Variants in SVEP1 observed in about 807,000 individuals in gnomAD.
SVEP1 encodes sushi, von Willebrand factor type A, EGF and pentraxin domain-containing protein 1.
In SVEP1, 164 loss-of-function variants were observed where a neutral mutation model predicts 367.3. The observed-to-expected ratio is 0.45, with a 90% CI of 0.39 to 0.51. The LOEUF is 0.51. Ranked by LOEUF, SVEP1 falls within the 20% of genes least tolerant of loss-of-function variation. The pLI is 0.00. For synonymous variants in SVEP1, 1,666 were observed against 1,611.6 expected (o/e 1.03, Z -0.81); for missense variants, 4,117 against 4,425.3 (o/e 0.93, Z 1.98).
chr9:110,500,347 T>C (rs1169953372), intron 6 of SVEP1, among the ~76,000 whole-genome samples: 2 of 152,248 alleles, frequency 1.3e-5, no homozygotes, highest in East Asian at 1.9e-4. Context: ...GCTGGGCCTA[T>C]ATAAAGTAAG....
intron 1 of SVEP1, among the ~76,000 whole-genome samples, chr9:110,559,403 G>C (rs1444528541): frequency 1.3e-5 from 2 of 151,998 alleles, no homozygotes; most frequent in African/African-American, 4.8e-5. Flanking sequence ...AAATACAGTT[G>C]AGCATTTTTG....
chr9:110,461,002 G>T (rs911407693), intron 18 of SVEP1, among the ~76,000 whole-genome samples: 9 of 151,918 alleles, frequency 5.9e-5, no homozygotes, highest in African/African-American at 2.2e-4. Flanking sequence ...ACCCCTACTT[G>T]CTTGTTTTTT....
intron 12 of SVEP1, among the ~76,000 whole-genome samples, chr9:110,480,737 C>G (rs78114899): frequency 5.9e-5 from 9 of 151,886 alleles, no homozygotes; most frequent in Admixed American, 1.3e-4. Flanking sequence ...GCTCAAGCGA[C>G]TTTCCCAACT....
At position 110,465,966 on chromosome 9, in the gene SVEP1, A is replaced by G; in HGVS notation, c.3221T>C (p.Leu1074Pro). ...SGLETCESCP[L>P]GTYQPKFGSR... is the part of the protein sequence containing the mutation. ...ACCAAATTTTGGCTGATAAGTGCCC[A>G]GTGGACACGATTCACAAGTCTCAAG... The change falls in exon 18 of 48, where the codon CTG becomes CCG. Residue 1074 changes from leucine to proline, a missense_variant. By Grantham distance (98) the Leu-to-Pro change is moderately conservative (BLOSUM62 -3). Around this residue, in one of 4 missense-constraint regions of SVEP1, gnomAD observed 2,174 missense variants for 2,494.3 expected, o/e 0.87. Transcript: ENST00000374469. The G allele has an allele frequency of 6.2e-7, 1 of 1,613,442 alleles. No individual in the cohort carries two copies. Among genetic ancestry groups the G allele is most frequent in the Non-Finnish European group, 8.5e-7 (1 of 1,179,682 alleles).
chr9:110,436,587 C>T lies in SVEP1; in HGVS notation c.4640-83G>A, dbSNP rs566817813. On this transcript the variant is annotated intron_variant, in intron 27 of 47. Transcript: ENST00000374469. ...CTAAAATCCAAATTTAATGAAAGCA[C>T]GACTGATACAAATAAATGAAAGAAA... is the stretch of plus-strand genomic sequence containing the variant. 1.2e-5 allele frequency: 18 copies of T among 1,467,512 alleles called. No individual in the cohort carries two copies. In the East Asian group the frequency reaches 1.2e-4, roughly 10 times the overall value. The allele number at this position is 1,467,512 out of a possible 1,614,324, so 90.9% of individuals were successfully genotyped here. A position where few individuals can be genotyped will look rare whatever the true frequency, so the allele number is the denominator to read the frequency against.
intron 3 of SVEP1, among the ~76,000 whole-genome samples, chr9:110,524,853 C>T (rs990399175): frequency 1.6e-4 from 25 of 151,878 alleles, no homozygotes; most frequent in African/African-American, 6.0e-4. Flanking sequence ...CTGGGACTAC[C>T]TGTGTGCACC....
intron 24 of SVEP1, among the ~76,000 whole-genome samples, chr9:110,449,528 C>A (rs1828658852): frequency 6.6e-6 from 1 of 151,970 alleles, no homozygotes; most frequent in Non-Finnish European, 1.5e-5. Flanking sequence ...ACTAAAAATA[C>A]AAAAGTTAGC....
At chr9:110,538,171 A>G (rs898504986) in intron 3 of SVEP1, among the ~76,000 whole-genome samples, 5 of 152,016 alleles carry the variant, frequency 3.3e-5, no homozygotes, top group Admixed American at 6.6e-5. Context: ...AAAATGCACT[A>G]TCAGGGCTGA....
rs369290112 is a variant in SVEP1, at chr9:110,406,692, G to A, written c.8908C>T (p.His2970Tyr). ...CCAGGAAAGCACTGATACTGTATAT[G>A]GCCCCCATGAATAAAGGAAAAACCA... ...PNGFSFIHGG[H>Y]IQYQCFPGYK... The change falls in exon 38 of 48, where the codon CAT (histidine) becomes TAT (tyrosine). Residue 2970 changes from histidine to tyrosine, a missense_variant. By Grantham distance (83) the His-to-Tyr change is moderately conservative. Coordinates refer to ENST00000374469, the MANE Select transcript of SVEP1 (RefSeq NM_153366.4). The A allele has an allele frequency of 6.2e-7, 1 of 1,613,850 alleles. No homozygotes were observed. Among genetic ancestry groups the A allele is most frequent in the Non-Finnish European group, 8.5e-7 (1 of 1,179,898 alleles).
intron 40 of SVEP1, 68 bp from the exon 41 acceptor site, chr9:110,389,655 A>T (rs1450578107): frequency 5.7e-6 from 9 of 1,573,612 alleles, no homozygotes; most frequent in Non-Finnish European, 7.8e-6. Context: ...AGGAAATGCA[A>T]AGTAATCTTA....
At chr9:110,381,247 C>A (rs1227510458) in intron 43 of SVEP1, among the ~76,000 whole-genome samples, 1 of 152,000 alleles carries the variant, frequency 6.6e-6, no homozygotes, top group African/African-American at 2.4e-5. Flanking sequence ...CTTCTGCTAG[C>A]TTTAGGGTTT....
At chr9:110,524,460 A>G (rs1027431607) in intron 3 of SVEP1, among the ~76,000 whole-genome samples, 1 of 152,186 alleles carries the variant, frequency 6.6e-6, no homozygotes, top group African/African-American at 2.4e-5. Context: ...ATTATACATC[A>G]TGATTAAGTC....
intron 37 of SVEP1, among the ~76,000 whole-genome samples, chr9:110,409,844 CATAAACAA>C (rs1828018899): frequency 6.8e-6 from 1 of 146,430 alleles, no homozygotes; most frequent in South Asian, 2.2e-4. Flanking sequence ...TATAACAGGT[CATAAACAA>C]ATAAACAAAA....
At position 110,516,045 on chromosome 9, in the gene SVEP1, C is replaced by T. The variant is rs1172155717; in HGVS notation, c.965-1939G>A. Among the ~76,000 whole-genome samples, 13 of 151,770 alleles carry T rather than the reference C, an allele frequency of 8.6e-5. 1 individual carries two copies. The highest frequency in any genetic ancestry group is 5.9e-4 in the Admixed American group (9 of 15,238). On this transcript the variant is annotated intron_variant, in intron 3 of 47. Coordinates refer to ENST00000374469, the MANE Select transcript of SVEP1 (RefSeq NM_153366.4). Reference sequence around the variant, plus strand: ...AGAGTCCATGTTCTTTACCACTACACGTGCTGTGAGTCAAACCCAGGCCCC... The same window carrying T: ...AGAGTCCATGTTCTTTACCACTACATGTGCTGTGAGTCAAACCCAGGCCCC...
intron 37 of SVEP1, among the ~76,000 whole-genome samples, chr9:110,409,688 T>A (rs1828015235): frequency 6.6e-6 from 1 of 152,234 alleles, no homozygotes; most frequent in Non-Finnish European, 1.5e-5. Flanking sequence ...TAAAATGTTT[T>A]TATGGGTATG....
intron 1 of SVEP1, among the ~76,000 whole-genome samples, chr9:110,559,030 G>A (rs1457795202): frequency 1.3e-5 from 2 of 151,628 alleles, no homozygotes; most frequent in Admixed American, 6.6e-5. Flanking sequence ...ATAAAAATTA[G>A]GAATAAAAAT....
intron 27 of SVEP1, among the ~76,000 whole-genome samples, chr9:110,439,305 G>A (rs1451281934): frequency 1.3e-5 from 2 of 152,184 alleles, no homozygotes; most frequent in Non-Finnish European, 2.9e-5. Context: ...AAGCCAGGAA[G>A]GGGGCTCTCA....
At chr9:110,509,408 T>A (rs1199831984) in intron 5 of SVEP1, among the ~76,000 whole-genome samples, 2 of 152,256 alleles carry the variant, frequency 1.3e-5, no homozygotes, top group Non-Finnish European at 2.9e-5. Context: ...ACTGGTAAGT[T>A]AGCTGTAGCT....
chr9:110,366,463 A>ATAAGT lies in SVEP1; in HGVS notation c.*71_*75dup. 7.0e-7 allele frequency: 1 copy of ATAAGT among 1,419,846 alleles called. No individual in the cohort carries two copies. The highest frequency in any genetic ancestry group is 9.3e-7 in the Non-Finnish European group (1 of 1,075,428). The allele number at this position is 1,419,846 out of a possible 1,614,324, so 88.0% of individuals were successfully genotyped here. A position where few individuals can be genotyped will look rare whatever the true frequency, so the allele number is the denominator to read the frequency against. The stretch of plus-strand genomic sequence containing the variant: ...CAGCACCATGTTGGACTTTCTTTGC[A>ATAAGT]TAAGTTCCAGGATGCCCAGGCACTA... On this transcript the variant is annotated 3_prime_UTR_variant, in exon 48 of 48. Transcript: ENST00000374469.
Sources: allele counts gnomAD v4.1 joint callset (sites outside exome capture counted in the v4.1 genomes callset), GRCh38; gene constraint gnomAD v4.1.1; regional missense constraint gnomAD v4.1.1; transcripts MANE v1.5; gene names NCBI Gene and HGNC (gene_info 2026-07-23, HGNC 2026-07-21).